The following C10orf90 variants were observed in gnomAD, a reference collection of about 807,000 sequenced individuals.
C10orf90 encodes (E2-independent) E3 ubiquitin-conjugating enzyme FATS.
In C10orf90, 56 loss-of-function variants were observed where a neutral mutation model predicts 62.5. The observed-to-expected ratio is 0.90, with a 90% CI of 0.72 to 1.12. The LOEUF is 1.12. Among genes scored for constraint, C10orf90 ranks in the 50% most tolerant of loss-of-function variants. The probability of loss-of-function intolerance (pLI) is 0.00; values close to 1 mark genes in which losing one functional copy is unlikely to be tolerated. For synonymous variants in C10orf90, 386 were observed against 340.4 expected, an observed-to-expected ratio of 1.13 and a Z score of -1.47; for missense variants, 970 against 880.4, an observed-to-expected ratio of 1.10 and a Z score of -1.29.
At chr10:126,517,134 C>G (rs932878942) in intron 2 of C10orf90, among the ~76,000 whole-genome samples, 9 of 152,122 alleles carry the variant, frequency 5.9e-5, no homozygotes, top group African/African-American at 2.2e-4. Flanking sequence ...CTGCCCACCA[C>G]AGACTAGTTG....
chr10:126,541,546 T>C (rs1390659826), intron 2 of C10orf90, among the ~76,000 whole-genome samples: 1 of 152,146 alleles, frequency 6.6e-6, no homozygotes, highest in African/African-American at 2.4e-5. Flanking sequence ...AGAACTTCAG[T>C]AGACATTCCC....
chr10:126,563,168 G>A (rs969903887), intron 2 of C10orf90, among the ~76,000 whole-genome samples: 1 of 152,196 alleles, frequency 6.6e-6, no homozygotes, highest in African/African-American at 2.4e-5. Flanking sequence ...GCACATGCTG[G>A]GCACGTCCAC....
intron 2 of C10orf90, among the ~76,000 whole-genome samples, chr10:126,564,838 ATATAT>A (rs1245145937): frequency 0.16 from 665 of 4,178 alleles, 259 homozygotes; most frequent in East Asian, 0.46. Context: ...CTCTCTATAT[ATATAT>A]TATATATTAT....
chr10:126,445,385 T>G (rs1271308595), intron 7 of C10orf90, among the ~76,000 whole-genome samples: 1 of 152,024 alleles, frequency 6.6e-6, no homozygotes, highest in Non-Finnish European at 1.5e-5. Flanking sequence ...AAAGAAGATA[T>G]ACAAATGGCC....
At chr10:126,634,495 A>G (rs866216167) in intron 2 of C10orf90, among the ~76,000 whole-genome samples, 1 of 152,186 alleles carries the variant, frequency 6.6e-6, no homozygotes, top group Non-Finnish European at 1.5e-5. Context: ...ATCAATGAGC[A>G]TAAAGTTTCA....
chr10:126,599,182 CTTT>C (rs755259124), intron 2 of C10orf90, among the ~76,000 whole-genome samples: 2 of 128,244 alleles, frequency 1.6e-5, no homozygotes, highest in Non-Finnish European at 1.6e-5. Flanking sequence ...GGTTCCACTC[CTTT>C]TTTTTTTTTT....
At chr10:126,632,881 A>T (rs929132120) in intron 2 of C10orf90, among the ~76,000 whole-genome samples, 2 of 152,116 alleles carry the variant, frequency 1.3e-5, no homozygotes, top group African/African-American at 4.8e-5. Flanking sequence ...CAGCTCACTG[A>T]CCCCACAAGC....
intron 2 of C10orf90, among the ~76,000 whole-genome samples, chr10:126,620,003 T>C (rs1007681190): frequency 2.6e-5 from 4 of 152,178 alleles, no homozygotes; most frequent in African/African-American, 9.6e-5. Flanking sequence ...TTGTTTTATA[T>C]TAATCAATAA....
Position 126,572,276 on chromosome 10 carries a change from C to T in C10orf90, c.314-58337G>A, listed in dbSNP as rs545077583. On this transcript the variant is annotated intron_variant, in intron 2 of 9. Transcript: ENST00000488181. The stretch of plus-strand genomic sequence containing the variant: ...CATCCTCACTGCTACACTCCTGTTA[C>T]AGGAAACGGGTCCTGATCCAGATCC... Among the ~76,000 whole-genome samples the T allele has an allele frequency of 2.6e-5, 4 of 152,270 alleles. No individual in the cohort carries two copies. In the East Asian group the frequency reaches 7.8e-4, roughly 30 times the overall value.
intron 2 of C10orf90, among the ~76,000 whole-genome samples, chr10:126,549,921 A>C (rs1274090326): frequency 1.3e-5 from 2 of 151,662 alleles, no homozygotes; most frequent in Non-Finnish European, 2.9e-5. Context: ...TCCCAGAAGG[A>C]TACATGCTAC....
At chr10:126,643,905 C>T (rs1020848915) in intron 2 of C10orf90, among the ~76,000 whole-genome samples, 1 of 152,182 alleles carries the variant, frequency 6.6e-6, no homozygotes, top group African/African-American at 2.4e-5. Context: ...GCAGAAAGGC[C>T]GGCCATGGAG....
intron 4 of C10orf90, among the ~76,000 whole-genome samples, chr10:126,499,373 A>G (rs895699443): frequency 5.3e-5 from 8 of 152,178 alleles, no homozygotes; most frequent in African/African-American, 1.9e-4. Flanking sequence ...CTTCACAAAC[A>G]AAAGGGAAAA....
intron 2 of C10orf90, 101 bp from the exon 3 acceptor site, chr10:126,514,040 C>G (rs1863291302): frequency 1.3e-6 from 1 of 788,454 alleles, no homozygotes; most frequent in African/African-American, 1.8e-5. Flanking sequence ...CTCACATATT[C>G]TATCAGCCAA....
At chr10:126,493,133 A>G (rs1325728337) in intron 4 of C10orf90, among the ~76,000 whole-genome samples, 1 of 151,176 alleles carries the variant, frequency 6.6e-6, no homozygotes, top group African/African-American at 2.4e-5. Context: ...CCAAAACAGT[A>G]TGTATTTTGC....
intron 7 of C10orf90, among the ~76,000 whole-genome samples, chr10:126,433,161 G>T (rs776119093): frequency 2.6e-5 from 4 of 152,158 alleles, no homozygotes; most frequent in Non-Finnish European, 5.9e-5. Flanking sequence ...AATCAAGGAT[G>T]ACTCCCAGGC....
intron 4 of C10orf90, among the ~76,000 whole-genome samples, chr10:126,497,121 G>A (rs1862102957): frequency 6.6e-6 from 1 of 152,212 alleles, no homozygotes; most frequent in Admixed American, 6.5e-5. Flanking sequence ...GGCTGTTGCG[G>A]TGCCAGCAGG....
chr10:126,571,603 C>T lies in C10orf90; in HGVS notation c.314-57664G>A, dbSNP rs562305851. Among the ~76,000 whole-genome samples the T allele has an allele frequency of 4.1e-4, 63 of 152,302 alleles. 2 individuals carry two copies. Among genetic ancestry groups the T allele is most frequent in the African/African-American group, 1.3e-3 (53 of 41,570 alleles). ...TTCCATTCAAAGGACGCAAATGAGG[C>T]ATTCATTTCTCCTCCTGGCTTGAAA... On this transcript the variant is annotated intron_variant, in intron 2 of 9. Transcript: ENST00000488181.
intron 3 of C10orf90, 89 bp from the exon 4 acceptor site, chr10:126,505,174 G>A (rs921223760): frequency 4.5e-5 from 61 of 1,369,908 alleles, no homozygotes; most frequent in South Asian, 1.4e-4. Flanking sequence ...GGATGCCAGA[G>A]CACTGGGTTC....
chr10:126,595,267 A>T, intron 2 of C10orf90, among the ~76,000 whole-genome samples: 1 of 152,254 alleles, frequency 6.6e-6, no homozygotes, highest in East Asian at 1.9e-4. Flanking sequence ...AAGTGGGGAA[A>T]AGAAATTCTA....
Sources: gnomAD v4.1 joint callset for allele counts (sites outside exome capture counted in the v4.1 genomes callset) on GRCh38, gnomAD v4.1.1 for gene constraint, MANE v1.5 for transcripts, NCBI Gene and HGNC (gene_info 2026-07-23, HGNC 2026-07-21) for gene names.